The following KCNIP4 variants were observed in gnomAD, a reference collection of about 807,000 sequenced individuals.
The protein encoded by KCNIP4 is potassium voltage-gated channel interacting protein 4, also known as Kv channel-interacting protein 4.
KCNIP4 carries 12 observed loss-of-function variants against 34.0 expected under a neutral mutation model. That is an observed-to-expected ratio of 0.35 (90% confidence interval 0.23 to 0.57). The LOEUF (loss-of-function observed/expected upper bound fraction) is 0.57, where lower values mean the gene tolerates loss of function less well. KCNIP4 is among the 20% of genes least tolerant of loss of function. The pLI is 0.83. For missense variants in KCNIP4, 238 were observed against 311.7 expected (o/e 0.76, Z 1.78); for synonymous variants, 124 against 102.2 (o/e 1.21, Z -1.29).
chr4:20,837,008 T>A (rs547697336), intron 3 of KCNIP4, among the ~76,000 whole-genome samples: 10 of 152,242 alleles, frequency 6.6e-5, no homozygotes, highest in Admixed American at 3.3e-4. Flanking sequence ...ATATATCCAA[T>A]ACTAGCAAAG....
chr4:21,614,744 C>T (rs867110433), intron 1 of KCNIP4, among the ~76,000 whole-genome samples: 1 of 151,702 alleles, frequency 6.6e-6, no homozygotes, highest in Non-Finnish European at 1.5e-5. Context: ...TCATCTAAAT[C>T]TCTTACAGAC....
At chr4:21,181,531 T>C (rs972947605) in intron 1 of KCNIP4, among the ~76,000 whole-genome samples, 2 of 152,054 alleles carry the variant, frequency 1.3e-5, no homozygotes, top group Non-Finnish European at 2.9e-5. Context: ...CATCCATCCA[T>C]CCAAACCATA....
At chr4:20,933,468 A>G (rs879605189) in intron 1 of KCNIP4, among the ~76,000 whole-genome samples, 7 of 152,182 alleles carry the variant, frequency 4.6e-5, no homozygotes, top group Non-Finnish European at 1.0e-4. Context: ...AAATCTACCA[A>G]TAGAAGGTGT....
chr4:21,074,234 C>T (rs1046637451), intron 1 of KCNIP4, among the ~76,000 whole-genome samples: 3 of 152,236 alleles, frequency 2.0e-5, no homozygotes, highest in Non-Finnish European at 2.9e-5. Flanking sequence ...CCTTGTACCT[C>T]TGGTAGAAAT....
In KCNIP4 at chr4:21,316,978, T is replaced by G. The variant is rs369171213; in HGVS notation, c.62-434269A>C. On this transcript the variant is annotated intron_variant, in intron 1 of 8. Coordinates refer to ENST00000382152, the MANE Select transcript of KCNIP4 (RefSeq NM_025221.6). ...TCGGGGTTTTATAATATATATTCCA[T>G]TTCTTTAGGTACCCAAAAATGCCCA... 3.2e-3 allele frequency among the ~76,000 whole-genome samples: 484 copies of G among 152,286 alleles called. 5 individuals are homozygous for G. Among genetic ancestry groups the G allele is most frequent in the African/African-American group, 0.011 (449 of 41,574 alleles).
chr4:21,272,231 GT>G (rs1560239011), intron 1 of KCNIP4, among the ~76,000 whole-genome samples: 1 of 152,136 alleles, frequency 6.6e-6, no homozygotes, highest in African/African-American at 2.4e-5. Flanking sequence ...ACCCCATAAA[GT>G]TGTTGGGAAG....
intron 2 of KCNIP4, among the ~76,000 whole-genome samples, chr4:20,857,215 AT>A (rs1002969890): frequency 1.3e-5 from 2 of 152,128 alleles, no homozygotes; most frequent in African/African-American, 4.8e-5. Flanking sequence ...TCACCAGCAT[AT>A]GATAAGTTAA....
intron 1 of KCNIP4, among the ~76,000 whole-genome samples, chr4:21,362,761 T>C (rs1306986840): frequency 3.9e-5 from 6 of 152,030 alleles, no homozygotes; most frequent in Non-Finnish European, 7.4e-5. Context: ...ATGGAAGAAA[T>C]ATTCTTGTAT....
intron 1 of KCNIP4, among the ~76,000 whole-genome samples, chr4:21,077,851 A>G (rs936758074): frequency 6.6e-6 from 1 of 152,130 alleles, no homozygotes; most frequent in Admixed American, 6.6e-5. Flanking sequence ...ATTATTGTTC[A>G]AAATGTAATA....
intron 1 of KCNIP4, among the ~76,000 whole-genome samples, chr4:21,750,460 G>A (rs902888178): frequency 8.5e-5 from 13 of 152,192 alleles, no homozygotes; most frequent in Non-Finnish European, 1.5e-4. Context: ...ATATGCCTCC[G>A]CAGCTCTAGG....
At chr4:21,373,173 A>G (rs1223499135) in intron 1 of KCNIP4, among the ~76,000 whole-genome samples, 1 of 146,670 alleles carries the variant, frequency 6.8e-6, no homozygotes, top group Non-Finnish European at 1.5e-5. Flanking sequence ...AATGTAAAAA[A>G]TTATCTGGCT....
chr4:20,971,001 G>A (rs1002768654), intron 1 of KCNIP4, among the ~76,000 whole-genome samples: 5 of 152,200 alleles, frequency 3.3e-5, no homozygotes, highest in African/African-American at 1.2e-4. Context: ...TTCAAAGGAG[G>A]CTTTCTGGAA....
At chr4:20,933,135 C>T (rs1217503713) in intron 1 of KCNIP4, among the ~76,000 whole-genome samples, 1 of 152,032 alleles carries the variant, frequency 6.6e-6, no homozygotes, top group Non-Finnish European at 1.5e-5. Flanking sequence ...ATCCTAGCTA[C>T]TTCGAGGCTG....
At chr4:20,742,929 A>G (rs112280486) in intron 5 of KCNIP4, among the ~76,000 whole-genome samples, 50,024 of 151,810 alleles carry the variant, frequency 0.33, 8,680 homozygotes, top group African/African-American at 0.43. Context: ...ATAATAGACA[A>G]ACAGAGCCAA....
At chr4:21,369,244 T>C (rs1030576878) in intron 1 of KCNIP4, among the ~76,000 whole-genome samples, 4 of 147,282 alleles carry the variant, frequency 2.7e-5, no homozygotes, top group East Asian at 2.0e-4. Flanking sequence ...AAATAAATGA[T>C]GGTTATCAAT....
At chr4:20,980,733 C>A (rs569874131) in intron 1 of KCNIP4, among the ~76,000 whole-genome samples, 1 of 151,576 alleles carries the variant, frequency 6.6e-6, no homozygotes, top group African/African-American at 2.4e-5. Context: ...TTCCTGAGGA[C>A]AACATGTAAG....
intron 1 of KCNIP4, among the ~76,000 whole-genome samples, chr4:20,954,144 C>T (rs1733064495): frequency 1.3e-5 from 2 of 152,118 alleles, no homozygotes; most frequent in Admixed American, 1.3e-4. Flanking sequence ...CACAAGAGCT[C>T]ATGATCAAAA....
chr4:20,762,343 C>T (rs945174595), intron 3 of KCNIP4, among the ~76,000 whole-genome samples: 3 of 152,262 alleles, frequency 2.0e-5, no homozygotes, highest in Non-Finnish European at 4.4e-5. Context: ...GTTAGGATTT[C>T]AACATATGAG....
At chr4:21,204,534 T>G (rs557795058) in intron 1 of KCNIP4, among the ~76,000 whole-genome samples, 1 of 152,312 alleles carries the variant, frequency 6.6e-6, no homozygotes, top group South Asian at 2.1e-4. Flanking sequence ...TGGTTTTAGA[T>G]TCCTAATATT....
Sources: gnomAD v4.1 joint callset for allele counts (sites outside exome capture counted in the v4.1 genomes callset) on GRCh38, gnomAD v4.1.1 for gene constraint, MANE v1.5 for transcripts, NCBI Gene and HGNC (gene_info 2026-07-23, HGNC 2026-07-21) for gene names.